The following RAD18 variants were observed in gnomAD, a reference collection of about 807,000 sequenced individuals.
RAD18 encodes the protein E3 ubiquitin-protein ligase RAD18.
In RAD18, 47 loss-of-function variants were observed where a neutral mutation model predicts 60.4. That is an observed-to-expected ratio of 0.78 (90% CI 0.62 to 0.99). The LOEUF is 0.99. RAD18 is among the 50% of genes least tolerant of loss of function. The pLI, the probability that RAD18 is intolerant of heterozygous loss-of-function variation, is 0.00. For missense variants in RAD18, 640 were observed against 593.3 expected (o/e 1.08, Z -0.82); for synonymous variants, 225 against 195.5 (o/e 1.15, Z -1.26).
Position 8,922,732 on chromosome 3 carries a change from A to T in RAD18, c.890-9012T>A, listed in dbSNP as rs538496954. On this transcript the variant is annotated intron_variant, in intron 7 of 12. Coordinates refer to ENST00000264926, the MANE Select transcript of RAD18 (RefSeq NM_020165.4). ...CTGAAACAAAACTTCCAGAGGAACA[A>T]TCAGGCAGCAACATTTGCTGTTCAC... 1.3e-3 allele frequency among the ~76,000 whole-genome samples: 197 copies of T among 152,286 alleles called. 2 individuals carry two copies. Among genetic ancestry groups the T allele is most frequent in the South Asian group, 9.9e-3 (48 of 4,826 alleles).
intron 10 of RAD18, among the ~76,000 whole-genome samples, chr3:8,899,525 CT>C (rs1196777672): frequency 6.6e-6 from 1 of 152,174 alleles, no homozygotes; most frequent in Non-Finnish European, 1.5e-5. Context: ...TCTAATTATT[CT>C]CTATGGAAAA....
chr3:8,942,593 C>T (rs1480966297), intron 4 of RAD18, among the ~76,000 whole-genome samples: 1 of 152,196 alleles, frequency 6.6e-6, no homozygotes, highest in Non-Finnish European at 1.5e-5. Flanking sequence ...AGTAGTCCAA[C>T]ATTTCCCCCA....
chr3:8,880,346 C>T lies in RAD18; in HGVS notation c.*1011G>A, dbSNP rs986385277. 4 of 152,184 alleles carry T rather than the reference C, an allele frequency of 2.6e-5. No homozygotes were observed. Among genetic ancestry groups the T allele is most frequent in the Non-Finnish European group, 5.9e-5 (4 of 68,028 alleles). The allele number at this position is 152,184 out of a possible 1,614,324, so 9.4% of individuals were successfully genotyped here. A position where few individuals can be genotyped will look rare whatever the true frequency, so the allele number is the denominator to read the frequency against. On this transcript the variant is annotated 3_prime_UTR_variant, in exon 13 of 13. Transcript: ENST00000264926. The stretch of plus-strand genomic sequence containing the variant: ...AACATTGCCGCATTTACTATCATCT[C>T]ATTTGAAAGCTGATGTGTTTGGGTT...
chr3:8,924,044 A>G (rs1282293355), intron 7 of RAD18, among the ~76,000 whole-genome samples: 1 of 152,206 alleles, frequency 6.6e-6, no homozygotes. Context: ...ATAATGACAG[A>G]ATCAAATTCA....
chr3:8,915,067 T>C (rs1575543975), intron 7 of RAD18, among the ~76,000 whole-genome samples: 1 of 143,782 alleles, frequency 7.0e-6, no homozygotes, highest in Non-Finnish European at 1.5e-5. Flanking sequence ...GAGAATGGCG[T>C]GAACCCGGGA....
chr3:8,928,270 G>GA (rs1474983644), intron 7 of RAD18, among the ~76,000 whole-genome samples: 1 of 151,468 alleles, frequency 6.6e-6, no homozygotes, highest in Non-Finnish European at 1.5e-5. Flanking sequence ...AGGAAATGAA[G>GA]AAAAAACAAA....
chr3:8,889,654 A>G (rs1254237323), intron 12 of RAD18, among the ~76,000 whole-genome samples: 1 of 152,180 alleles, frequency 6.6e-6, no homozygotes, highest in African/African-American at 2.4e-5. Context: ...CTTTTCATGC[A>G]GGAGGACCTA....
chr3:8,925,046 GAA>G, intron 7 of RAD18, among the ~76,000 whole-genome samples: 1 of 150,142 alleles, frequency 6.7e-6, no homozygotes, highest in East Asian at 1.9e-4. Flanking sequence ...CAGAAGGCAA[GAA>G]ATAACTAAGA....
intron 2 of RAD18, among the ~76,000 whole-genome samples, chr3:8,956,360 A>AAACGATT (rs1357652894): frequency 5.3e-5 from 8 of 152,234 alleles, no homozygotes; most frequent in African/African-American, 1.9e-4. Flanking sequence ...GATGGTCACT[A>AAACGATT]AACGATTAAC....
intron 12 of RAD18, among the ~76,000 whole-genome samples, chr3:8,888,927 T>G (rs896358109): frequency 1.3e-5 from 2 of 152,180 alleles, no homozygotes; most frequent in Admixed American, 6.5e-5. Flanking sequence ...TAGTCACTGG[T>G]GTCAGGGTTA....
rs1448215317 is a variant in RAD18 at position 8,963,386 on chromosome 3, G to T, written c.-1C>A. 1 of 1,603,326 alleles carries T rather than the reference G, an allele frequency of 6.2e-7. No homozygotes were observed. The highest frequency in any genetic ancestry group is 1.7e-5 in the Admixed American group (1 of 59,294). On this transcript the variant is annotated 5_prime_UTR_variant, in exon 1 of 13. Transcript: ENST00000264926. ...ACCGAGACTCGGCCAGGGAGTCCAT[G>T]GTCGCTCCCGAGGATGCTGGGGGTC...
chr3:8,958,304 A>G (rs759456802), intron 2 of RAD18, among the ~76,000 whole-genome samples: 8 of 152,246 alleles, frequency 5.3e-5, no homozygotes, highest in African/African-American at 1.2e-4. Context: ...CATGAACCTG[A>G]ATAACCCATA....
intron 7 of RAD18, among the ~76,000 whole-genome samples, chr3:8,924,974 GACAT>G: frequency 6.6e-6 from 1 of 152,090 alleles, no homozygotes; most frequent in Non-Finnish European, 1.5e-5. Flanking sequence ...ATCTAAAATT[GACAT>G]CCTAACATCA....
intron 2 of RAD18, among the ~76,000 whole-genome samples, chr3:8,950,113 C>T (rs1344005033): frequency 6.6e-6 from 1 of 152,150 alleles, no homozygotes; most frequent in Non-Finnish European, 1.5e-5. Flanking sequence ...TCAATGCAAC[C>T]TCCGCCTCCT....
chr3:8,941,768 G>A lies in RAD18; in HGVS notation c.303C>T (p.Ala101=). 6.2e-7 allele frequency: 1 copy of A among 1,613,992 alleles called. No homozygotes were observed. The change falls in exon 5 of 13, where the codon GCC becomes GCT. Residue 101 remains alanine (A), a synonymous_variant. Coordinates refer to ENST00000264926, the MANE Select transcript of RAD18 (RefSeq NM_020165.4). ...TTGAAGAGGAAGAAGCAGGAGATTTGGCTGGTGACTCTAAAGCAAACTGCA... is the reference window on the plus strand; with the variant it reads ...TTGAAGAGGAAGAAGCAGGAGATTTAGCTGGTGACTCTAAAGCAAACTGCA... The part of the protein sequence containing the change: ...HLLQFALESP[A]KSPASSSSKN...
rs552086635 is a variant in RAD18 at position 8,924,593 on chromosome 3, A to G, written c.890-10873T>C. Among the ~76,000 whole-genome samples, 900 of 132,848 alleles carry G rather than the reference A, an allele frequency of 6.8e-3. 6 individuals are homozygous for G. Among genetic ancestry groups the G allele is most frequent in the African/African-American group, 0.024 (863 of 36,076 alleles). 87.2% of individuals were successfully genotyped at this position (132,848 alleles called of 152,430 possible). Reference sequence around the variant, plus strand: ...GACATCTACAGAACTCTCCACCCCAAATCAACAGAATATACACTCTTCTCA... The same window carrying G: ...GACATCTACAGAACTCTCCACCCCAGATCAACAGAATATACACTCTTCTCA... On this transcript the variant is annotated intron_variant, in intron 7 of 12. Transcript: ENST00000264926.
intron 5 of RAD18, 127 bp from the exon 6 acceptor site, chr3:8,939,780 GA>G: frequency 1.3e-6 from 1 of 750,806 alleles, no homozygotes; most frequent in African/African-American, 1.8e-5. Context: ...TAGAAAAGCA[GA>G]AAAGAAAAAG....
At chr3:8,891,887 T>C (rs1013151808) in intron 11 of RAD18, among the ~76,000 whole-genome samples, 4 of 152,250 alleles carry the variant, frequency 2.6e-5, no homozygotes, top group African/African-American at 9.6e-5. Flanking sequence ...TTTCAAGTAA[T>C]GTGCTTATTA....
chr3:8,902,603 GTAC>G, intron 9 of RAD18, 83 bp from the exon 10 acceptor site: 1 of 1,359,980 alleles, frequency 7.4e-7, no homozygotes, highest in Non-Finnish European at 9.9e-7. Context: ...ATCAAGAGGT[GTAC>G]AAGGGATGGG....
Sources: allele counts gnomAD v4.1 joint callset (sites outside exome capture counted in the v4.1 genomes callset), GRCh38; gene constraint gnomAD v4.1.1; transcripts MANE v1.5; gene names NCBI Gene and HGNC (gene_info 2026-07-23, HGNC 2026-07-21).